The following PPHLN1 variants were observed in gnomAD, a reference collection of about 807,000 sequenced individuals.
The protein encoded by PPHLN1 is periphilin-1.
In PPHLN1, 29 loss-of-function variants were observed where a neutral mutation model predicts 51.3. That is an observed-to-expected ratio of 0.57 (90% CI 0.42 to 0.77). The LOEUF (loss-of-function observed/expected upper bound fraction) is 0.77. PPHLN1 is among the 30% of genes least tolerant of loss of function. The probability of loss-of-function intolerance (pLI) is 0.00; values close to 1 mark genes in which losing one functional copy is unlikely to be tolerated. For synonymous variants in PPHLN1, 147 were observed against 147.8 expected (o/e 0.99, Z 0.04); for missense variants, 436 against 438.4 (o/e 0.99, Z 0.05).
chr12:42,412,394 C>G (rs1022414244), intron 9 of PPHLN1, among the ~76,000 whole-genome samples: 1 of 151,486 alleles, frequency 6.6e-6, no homozygotes, highest in Admixed American at 6.6e-5. Context: ...GCTTCCAGCT[C>G]TATCAGAATT....
intron 9 of PPHLN1, among the ~76,000 whole-genome samples, chr12:42,403,733 G>C (rs2079039520): frequency 6.6e-6 from 1 of 152,082 alleles, no homozygotes; most frequent in African/African-American, 2.4e-5. Flanking sequence ...CCTTATCCTT[G>C]GGGATGTTAC....
chr12:42,440,252 T>G (rs2082833660), intron 9 of PPHLN1, among the ~76,000 whole-genome samples: 2 of 152,072 alleles, frequency 1.3e-5, no homozygotes, highest in African/African-American at 4.8e-5. Context: ...ATAAATGGTG[T>G]TGTGTTTTAG....
chr12:42,420,215 A>G, intron 9 of PPHLN1, among the ~76,000 whole-genome samples: 1 of 152,140 alleles, frequency 6.6e-6, no homozygotes, highest in Non-Finnish European at 1.5e-5. Flanking sequence ...TTTACATATA[A>G]TATGTTTACC....
intron 3 of PPHLN1, among the ~76,000 whole-genome samples, chr12:42,352,311 A>C (rs1441822766): frequency 2.0e-5 from 3 of 151,948 alleles, no homozygotes; most frequent in Non-Finnish European, 4.4e-5. Context: ...ATTCCCCTAA[A>C]TTGGCAGGGA....
chr12:42,338,810 CTT>C (rs1186445196), intron 2 of PPHLN1, among the ~76,000 whole-genome samples: 1 of 152,160 alleles, frequency 6.6e-6, no homozygotes, highest in Non-Finnish European at 1.5e-5. Context: ...ATTATTGTCT[CTT>C]TGGGTGTGAT....
chr12:42,416,416 A>G (rs2080390366), intron 9 of PPHLN1, among the ~76,000 whole-genome samples: 1 of 152,160 alleles, frequency 6.6e-6, no homozygotes, highest in Non-Finnish European at 1.5e-5. Context: ...ACCACCTGGA[A>G]TCAGTGCATA....
intron 7 of PPHLN1, among the ~76,000 whole-genome samples, chr12:42,390,486 CA>C (rs1307647459): frequency 6.6e-6 from 1 of 151,750 alleles, no homozygotes; most frequent in African/African-American, 2.4e-5. Flanking sequence ...TAAGTTACAA[CA>C]TAGAGTTTTG....
At chr12:42,375,147 TC>T in intron 5 of PPHLN1, 73 bp downstream of exon 5, 1 of 1,187,406 alleles carries the variant, frequency 8.4e-7, no homozygotes, top group African/African-American at 1.5e-5. Context: ...CAGATTTCCT[TC>T]TAGGTGTAAG....
intron 1 of PPHLN1, among the ~76,000 whole-genome samples, chr12:42,330,672 A>G (rs1157626810): frequency 6.6e-6 from 1 of 152,176 alleles, no homozygotes; most frequent in East Asian, 1.9e-4. Flanking sequence ...CAGCATCTCA[A>G]GGCAAAACAA....
Position 42,370,257 on chromosome 12 carries a change from T to C in PPHLN1, c.300-4606T>C, listed in dbSNP as rs12581047. ...GAGGGTTGATGCCCATGAATTTGCATTTCTATCACCTTTCCTGCAAATGCT... is the reference window on the plus strand; with the variant it reads ...GAGGGTTGATGCCCATGAATTTGCACTTCTATCACCTTTCCTGCAAATGCT... On this transcript the variant is annotated intron_variant, in intron 4 of 9. Coordinates refer to ENST00000358314, the MANE Select transcript of PPHLN1 (RefSeq NM_201439.2). 7.2e-3 allele frequency among the ~76,000 whole-genome samples: 1,091 copies of C among 152,342 alleles called. 42 individuals carry two copies. The East Asian group carries it at 0.09, about 13-fold the overall frequency.
At chr12:42,389,225 T>G (rs7963726) in intron 7 of PPHLN1, among the ~76,000 whole-genome samples, 30,257 of 151,620 alleles carry the variant, frequency 0.2, 3,417 homozygotes, top group African/African-American at 0.3. Context: ...ACAAAAAAAT[T>G]AGCTGGCCGT....
Position 42,393,627 on chromosome 12 carries a change from T to A in PPHLN1, c.706T>A (p.Trp236Arg). The A allele has an allele frequency of 6.2e-7, 1 of 1,611,594 alleles. No individual in the cohort carries two copies. The highest frequency in any genetic ancestry group is 8.5e-7 in the Non-Finnish European group (1 of 1,179,010). Residue 236 changes from tryptophan to arginine, a missense_variant, in exon 8 of 10, where the codon TGG (tryptophan) becomes AGG (arginine). Coordinates refer to ENST00000358314, the MANE Select transcript of PPHLN1 (RefSeq NM_201439.2). ...GGAACTTGCTGAGGCTGCAAGCAAGTGGGCTGCTGAAAAGCTAGAGAAATC... is the reference window on the plus strand; with the variant it reads ...GGAACTTGCTGAGGCTGCAAGCAAGAGGGCTGCTGAAAAGCTAGAGAAATC... ...EKELAEAASK[W>R]AAEKLEKSDE...
downstream of PPHLN1, chr12:42,446,583 T>TA: frequency 6.2e-7 from 1 of 1,613,386 alleles, no homozygotes; most frequent in African/African-American, 1.3e-5. Context: ...TGTTGTTTAC[T>TA]AATTCTAGGA....
chr12:42,414,025 T>TTA (rs2080134781), intron 9 of PPHLN1, among the ~76,000 whole-genome samples: 1 of 150,894 alleles, frequency 6.6e-6, no homozygotes, highest in Non-Finnish European at 1.5e-5. Flanking sequence ...GGTGTTTTAT[T>TTA]TTATTATTAT....
intron 5 of PPHLN1, among the ~76,000 whole-genome samples, chr12:42,378,447 C>T (rs61585564): frequency 0.014 from 2,059 of 151,942 alleles, 43 homozygotes; most frequent in African/African-American, 0.046. Context: ...GACTGAGACA[C>T]GGGGTTCTGC....
At chr12:42,397,397 A>G (rs1242869924) in intron 8 of PPHLN1, among the ~76,000 whole-genome samples, 1 of 152,214 alleles carries the variant, frequency 6.6e-6, no homozygotes, top group African/African-American at 2.4e-5. Context: ...TACCTCGGAC[A>G]TATATATCTA....
chr12:42,432,424 A>G, intron 9 of PPHLN1: 1 of 757,536 alleles, frequency 1.3e-6, no homozygotes, highest in Non-Finnish European at 2.5e-6. Flanking sequence ...TAGTGCCAAC[A>G]AATACAAATG....
At chr12:42,426,243 C>T (rs916863521) in intron 9 of PPHLN1, among the ~76,000 whole-genome samples, 1 of 149,478 alleles carries the variant, frequency 6.7e-6, no homozygotes, top group African/African-American at 2.5e-5. Context: ...CATGCATTGT[C>T]TCATGGCAGT....
intron 7 of PPHLN1, among the ~76,000 whole-genome samples, chr12:42,392,262 T>C (rs12228962): frequency 0.15 from 22,937 of 152,200 alleles, 1,797 homozygotes; most frequent in Admixed American, 0.2. Flanking sequence ...CAGCTCAGCA[T>C]TTATTAATGA....
Sources: gnomAD v4.1 joint callset for allele counts (sites outside exome capture counted in the v4.1 genomes callset) on GRCh38, gnomAD v4.1.1 for gene constraint, MANE v1.5 for transcripts, NCBI Gene and HGNC (gene_info 2026-07-23, HGNC 2026-07-21) for gene names.